SLC12A8: variants seen among roughly 807,000 people sequenced by gnomAD.
SLC12A8 encodes the protein solute carrier family 12 member 8.
SLC12A8 carries 69 observed loss-of-function variants against 75.6 expected under a neutral mutation model. The ratio of observed to expected loss-of-function variants is 0.91; its 90% CI spans 0.75 to 1.11. SLC12A8 has a LOEUF of 1.11. Among genes scored for constraint, SLC12A8 ranks in the 50% most tolerant of loss-of-function variants. The probability of loss-of-function intolerance (pLI) is 0.00; values close to 1 mark genes in which losing one functional copy is unlikely to be tolerated. For missense variants in SLC12A8, 877 were observed against 896.7 expected, an observed-to-expected ratio of 0.98 and a Z score of 0.28; for synonymous variants, 365 against 372.8, an observed-to-expected ratio of 0.98 and a Z score of 0.24.
chr3:125,090,000 A>C (rs1266739480), intron 12 of SLC12A8, among the ~76,000 whole-genome samples: 5 of 151,776 alleles, frequency 3.3e-5, no homozygotes, highest in Non-Finnish European at 7.4e-5. Flanking sequence ...ATCATGGATT[A>C]TTTATTTTCT....
At chr3:125,134,719 C>T (rs1933444492) in intron 6 of SLC12A8, among the ~76,000 whole-genome samples, 1 of 152,232 alleles carries the variant, frequency 6.6e-6, no homozygotes, top group Non-Finnish European at 1.5e-5. Context: ...TCCTTGCTAA[C>T]ACTTGTATGG....
At chr3:125,117,524 A>T (rs980901574) in intron 8 of SLC12A8, among the ~76,000 whole-genome samples, 1 of 151,806 alleles carries the variant, frequency 6.6e-6, no homozygotes, top group Non-Finnish European at 1.5e-5. Context: ...TGAGCCCTGG[A>T]AGTTGAGGCT....
chr3:125,159,689 C>T (rs1225885717), intron 5 of SLC12A8, among the ~76,000 whole-genome samples: 1 of 152,184 alleles, frequency 6.6e-6, no homozygotes, highest in East Asian at 1.9e-4. Flanking sequence ...AGCCCCCAGG[C>T]AGTGTTCTGG....
chr3:125,120,457 C>T (rs1933026173), intron 7 of SLC12A8, 142 bp downstream of exon 7: 2 of 723,750 alleles, frequency 2.8e-6, no homozygotes, highest in African/African-American at 1.8e-5. Flanking sequence ...TCCAGCCCAC[C>T]GAGTGTTAAA....
At chr3:125,118,062 C>T (rs1939356876) in intron 8 of SLC12A8, among the ~76,000 whole-genome samples, 2 of 152,262 alleles carry the variant, frequency 1.3e-5, no homozygotes, top group African/African-American at 4.8e-5. Context: ...CTCCACTTGC[C>T]ACTTCTGAGC....
intron 6 of SLC12A8, among the ~76,000 whole-genome samples, chr3:125,130,283 C>T (rs1332866133): frequency 2.1e-4 from 32 of 152,220 alleles, no homozygotes; most frequent in Non-Finnish European, 1.0e-4. Flanking sequence ...CTTTTAGTAT[C>T]ATTATCAAAA....
chr3:125,198,484 T>G (rs1935048989), intron 2 of SLC12A8, among the ~76,000 whole-genome samples: 1 of 151,912 alleles, frequency 6.6e-6, no homozygotes, highest in African/African-American at 2.4e-5. Flanking sequence ...AATACAAAAA[T>G]TAGCTGGGTG....
chr3:125,110,707 G>A (rs572856671), intron 8 of SLC12A8: 32 of 170,056 alleles, frequency 1.9e-4, no homozygotes, highest in Non-Finnish European at 3.4e-4. Context: ...GAACAAACTG[G>A]CCAACCACAA....
intron 6 of SLC12A8, among the ~76,000 whole-genome samples, chr3:125,121,466 T>C (rs1933059923): frequency 6.6e-6 from 1 of 152,184 alleles, no homozygotes; most frequent in South Asian, 2.1e-4. Context: ...GAGGGGGTTG[T>C]ATCTTGAATG....
At chr3:125,143,401 AAG>A (rs1363760922) in intron 5 of SLC12A8, among the ~76,000 whole-genome samples, 2 of 152,252 alleles carry the variant, frequency 1.3e-5, no homozygotes, top group Non-Finnish European at 2.9e-5. Flanking sequence ...ATAGGTTTCG[AAG>A]AGGCCCCCAA....
At chr3:125,099,575 G>C (rs187158045) in intron 10 of SLC12A8, among the ~76,000 whole-genome samples, 173 of 152,230 alleles carry the variant, frequency 1.1e-3, no homozygotes, top group African/African-American at 3.9e-3. Context: ...AAACGATAAT[G>C]TTAATGAGAA....
intron 13 of SLC12A8, 113 bp from the exon 14 acceptor site, chr3:125,084,165 G>A (rs1938400756): frequency 1.2e-6 from 1 of 820,714 alleles, no homozygotes; most frequent in East Asian, 2.7e-5. Flanking sequence ...GTATTTAAAT[G>A]TTTAAAACAT....
At chr3:125,162,086 G>A (rs1036717921) in intron 5 of SLC12A8, among the ~76,000 whole-genome samples, 4 of 152,262 alleles carry the variant, frequency 2.6e-5, no homozygotes, top group African/African-American at 9.6e-5. Context: ...AGGAAGGTTG[G>A]CGCCTCTCTG....
chr3:125,124,895 G>GT (rs1366935107), intron 6 of SLC12A8, among the ~76,000 whole-genome samples: 1 of 152,096 alleles, frequency 6.6e-6, no homozygotes, highest in Non-Finnish European at 1.5e-5. Context: ...TAGGGTTGGC[G>GT]TAATAGAACA....
At chr3:125,164,586 C>T (rs908782685) in intron 5 of SLC12A8, among the ~76,000 whole-genome samples, 21 of 152,196 alleles carry the variant, frequency 1.4e-4, no homozygotes, top group African/African-American at 5.1e-4. Context: ...AGAAGAGTTC[C>T]AGTCCTGGCC....
At chr3:125,119,573 C>T (rs750017242) in intron 7 of SLC12A8, among the ~76,000 whole-genome samples, 2 of 152,304 alleles carry the variant, frequency 1.3e-5, no homozygotes, top group South Asian at 2.1e-4. Flanking sequence ...CAGCTGGGGC[C>T]AGAAACAAGA....
rs60567364 is a variant in SLC12A8 at position 125,097,388 on chromosome 3, C to CA, written c.1706-5191dup. Among the ~76,000 whole-genome samples, 802 of 138,596 alleles carry CA rather than the reference C, an allele frequency of 5.8e-3. 4 individuals carry two copies. The highest frequency in any genetic ancestry group is 0.017 in the African/African-American group (639 of 38,194). The allele number at this position is 138,596 out of a possible 152,430, so 90.9% of individuals were successfully genotyped here. Reference sequence around the variant, plus strand: ...TGGGCAACAGAGCAAGACTCTGTCTCAAAAAAAAAAAAGAAGAAGAAACAC... The same window carrying CA: ...TGGGCAACAGAGCAAGACTCTGTCTCAAAAAAAAAAAAAGAAGAAGAAACAC... On this transcript the variant is annotated intron_variant, in intron 10 of 13. Coordinates refer to ENST00000469902, the MANE Select transcript of SLC12A8 (RefSeq NM_024628.6).
At position 125,120,763 on chromosome 3, in the gene SLC12A8, T is replaced by C. The variant is rs931005727; in HGVS notation, c.737-77A>G. On this transcript the variant is annotated intron_variant, in intron 6 of 13. Transcript: ENST00000469902. ...CCTTCCCCAGGGCTGCCCCTTCCTCTCCTGCGGGACCCTCTCCTGGAAGCT... is the reference window on the plus strand; with the variant it reads ...CCTTCCCCAGGGCTGCCCCTTCCTCCCCTGCGGGACCCTCTCCTGGAAGCT... The C allele has an allele frequency of 9.3e-6, 10 of 1,075,578 alleles. No homozygotes were observed. The African/African-American group carries it at 1.6e-4, about 17-fold the overall frequency. The allele number at this position is 1,075,578 out of a possible 1,614,324, so 66.6% of individuals were successfully genotyped here. A position where few individuals can be genotyped will look rare whatever the true frequency, so the allele number is the denominator to read the frequency against.
At chr3:125,139,332 C>A (rs1933571154) in intron 5 of SLC12A8, among the ~76,000 whole-genome samples, 1 of 152,188 alleles carries the variant, frequency 6.6e-6, no homozygotes, top group Admixed American at 6.5e-5. Context: ...AACTCTTTGA[C>A]CAAGCGCACT....
Sources: gnomAD v4.1 joint callset for allele counts (sites outside exome capture counted in the v4.1 genomes callset) on GRCh38, gnomAD v4.1.1 for gene constraint, MANE v1.5 for transcripts, NCBI Gene and HGNC (gene_info 2026-07-23, HGNC 2026-07-21) for gene names.